DHRSX: variants seen among roughly 807,000 people sequenced by gnomAD.
DHRSX encodes the protein dehydrogenase/reductase X-linked.
Under a neutral mutation model 34.0 loss-of-function variants are expected in DHRSX, and 31 were observed. The ratio of observed to expected loss-of-function variants is 0.91; its 90% confidence interval spans 0.69 to 1.23. The LOEUF (loss-of-function observed/expected upper bound fraction) is 1.23. Among genes scored for constraint, DHRSX ranks in the 50% most tolerant of loss-of-function variants. DHRSX has a pLI of 0.00. For synonymous variants in DHRSX, 201 were observed against 183.8 expected (o/e 1.09, Z -0.76); for missense variants, 414 against 428.1 (o/e 0.97, Z 0.29).
At chrX:2,306,140 AT>A (rs1196847780) in intron 3 of DHRSX, among the ~76,000 whole-genome samples, 1 of 152,020 alleles carries the variant, frequency 6.6e-6, no homozygotes, top group Non-Finnish European at 1.5e-5. Context: ...AGTCTCAGGT[AT>A]TTCTTCAGAG....
At chrX:2,317,255 G>GGTTTTTTTTTTTT in intron 3 of DHRSX, among the ~76,000 whole-genome samples, 1 of 32,582 alleles carries the variant, frequency 3.1e-5, no homozygotes, top group Non-Finnish European at 6.8e-5. Context: ...ACCGCGCCTG[G>GGTTTTTTTTTTTT]CTTTTTTTTT....
At position 2,233,703 on chromosome X, in the gene DHRSX, C is replaced by A. The variant is rs35530509; in HGVS notation, c.804+9320G>T. Among the ~76,000 whole-genome samples the A allele has an allele frequency of 7.4e-3, 1,133 of 152,128 alleles. 6 individuals carry two copies. Among genetic ancestry groups the A allele is most frequent in the Middle Eastern group, 0.027 (8 of 294 alleles). On this transcript the variant is annotated intron_variant, in intron 6 of 6. Coordinates refer to ENST00000334651, the MANE Select transcript of DHRSX (RefSeq NM_145177.3). ...CAAAGGAAGAGAATTTCAGAAATAACCCCTGCTGCCCAGGAGCTTCCAATA... is the reference window on the plus strand; with the variant it reads ...CAAAGGAAGAGAATTTCAGAAATAAACCCTGCTGCCCAGGAGCTTCCAATA...
intron 1 of DHRSX, among the ~76,000 whole-genome samples, chrX:2,469,148 C>A (rs951250402): frequency 6.6e-6 from 1 of 151,930 alleles, no homozygotes; most frequent in African/African-American, 2.4e-5. Context: ...AAGGGACCAC[C>A]ACCATGTACA....
At chrX:2,244,663 G>A (rs953567391) in intron 5 of DHRSX, among the ~76,000 whole-genome samples, 20 of 150,454 alleles carry the variant, frequency 1.3e-4, no homozygotes, top group African/African-American at 4.2e-4. Flanking sequence ...GTGGCTGAAG[G>A]TTCATATCGC....
intron 1 of DHRSX, among the ~76,000 whole-genome samples, chrX:2,454,857 A>C (rs1189719002): frequency 6.6e-6 from 1 of 151,874 alleles, no homozygotes; most frequent in Non-Finnish European, 1.5e-5. Flanking sequence ...TCACGCCTGT[A>C]ATCTCAGAAA....
chrX:2,330,073 C>G (rs1279861092), intron 3 of DHRSX, among the ~76,000 whole-genome samples: 71 of 6,130 alleles, frequency 0.012, no homozygotes, highest in African/African-American at 0.016. Context: ...AGAGAGACGG[C>G]GGGGGGGGGG....
At chrX:2,357,658 G>T (rs1052055562) in intron 3 of DHRSX, among the ~76,000 whole-genome samples, 5 of 150,522 alleles carry the variant, frequency 3.3e-5, no homozygotes, top group Admixed American at 3.3e-4. Flanking sequence ...ACCCGATATG[G>T]GAAAACGAGA....
chrX:2,483,912 A>G (rs183333832), intron 1 of DHRSX, among the ~76,000 whole-genome samples: 2,293 of 152,008 alleles, frequency 0.015, 54 homozygotes, highest in African/African-American at 0.048. Flanking sequence ...TGGTTGGGGG[A>G]AAAAAAGAAG....
At chrX:2,372,694 C>T (rs1179340684) in intron 3 of DHRSX, among the ~76,000 whole-genome samples, 2 of 151,730 alleles carry the variant, frequency 1.3e-5, no homozygotes, top group Non-Finnish European at 2.9e-5. Context: ...CTGCAACCTC[C>T]GCCTCCCGGG....
intron 3 of DHRSX, among the ~76,000 whole-genome samples, chrX:2,407,486 A>G (rs750040572): frequency 6.6e-6 from 1 of 152,284 alleles, no homozygotes; most frequent in African/African-American, 2.4e-5. Flanking sequence ...TGCGTGGATG[A>G]TTAAAGGCCA....
chrX:2,356,974 G>C (rs1218616921), intron 3 of DHRSX, among the ~76,000 whole-genome samples: 2 of 152,006 alleles, frequency 1.3e-5, no homozygotes, highest in African/African-American at 4.8e-5. Flanking sequence ...CCAGGCGTAG[G>C]GGCTCACATC....
chrX:2,454,189 G>A (rs1449560933), intron 1 of DHRSX, among the ~76,000 whole-genome samples: 1 of 152,078 alleles, frequency 6.6e-6, no homozygotes. Flanking sequence ...GACACAAGGG[G>A]TTCCAAGTTT....
chrX:2,291,044 G>A (rs1186505641), intron 4 of DHRSX, among the ~76,000 whole-genome samples: 1 of 152,184 alleles, frequency 6.6e-6, no homozygotes, highest in Non-Finnish European at 1.5e-5. Flanking sequence ...AAGATTGGCA[G>A]ATGGGCAGAT....
chrX:2,443,729 G>A (rs1455267746), intron 1 of DHRSX, among the ~76,000 whole-genome samples: 3 of 152,140 alleles, frequency 2.0e-5, no homozygotes, highest in South Asian at 4.1e-4. Flanking sequence ...CCAATGGGCC[G>A]GGCACGGTAG....
intron 1 of DHRSX, among the ~76,000 whole-genome samples, chrX:2,428,603 C>T (rs192606270): frequency 4.0e-4 from 61 of 152,222 alleles, no homozygotes; most frequent in African/African-American, 1.4e-3. Flanking sequence ...GGGAACATCA[C>T]ACACCAGGGC....
At chrX:2,370,590 G>GAAAAAAAAAAAAAAAAAAAAA (rs59435030) in intron 3 of DHRSX, among the ~76,000 whole-genome samples, 18 of 132,692 alleles carry the variant, frequency 1.4e-4, no homozygotes, top group African/African-American at 5.1e-4. Flanking sequence ...TGGTTTTACT[G>GAAAAAAAAAAAAAAAAAAAAA]AAAAAAAAAA....
chrX:2,290,254 T>C (rs1177515160), intron 4 of DHRSX, among the ~76,000 whole-genome samples: 2 of 152,028 alleles, frequency 1.3e-5, no homozygotes, highest in Non-Finnish European at 2.9e-5. Flanking sequence ...TCCAATCCCA[T>C]TAATGTTATA....
chrX:2,274,679 C>T (rs138879843), intron 4 of DHRSX, among the ~76,000 whole-genome samples: 3,392 of 151,658 alleles, frequency 0.022, 76 homozygotes, highest in Non-Finnish European at 0.037. Context: ...GATCTGCCCG[C>T]CTCAGCCTCC....
At chrX:2,314,459 A>G (rs1212102858) in intron 3 of DHRSX, among the ~76,000 whole-genome samples, 4 of 69,106 alleles carry the variant, frequency 5.8e-5, no homozygotes, top group African/African-American at 8.2e-5. Context: ...AGAAGGGAGG[A>G]AGGAAGGGGA....
Sources: gnomAD v4.1 joint callset for allele counts (sites outside exome capture counted in the v4.1 genomes callset) on GRCh38, gnomAD v4.1.1 for gene constraint, MANE v1.5 for transcripts, NCBI Gene and HGNC (gene_info 2026-07-23, HGNC 2026-07-21) for gene names.